The following PTPRD variants were observed in gnomAD, a reference collection of about 807,000 sequenced individuals.
The protein encoded by PTPRD is receptor-type tyrosine-protein phosphatase delta.
A neutral mutation model predicts 214.5 loss-of-function variants in PTPRD; 34 were observed. The ratio of observed to expected loss-of-function variants is 0.16; its 90% CI spans 0.12 to 0.21. The LOEUF is 0.21. PTPRD is among the 10% of genes least tolerant of loss of function. The probability of loss-of-function intolerance (pLI) is 1.00; values close to 1 mark genes in which losing one functional copy is unlikely to be tolerated. For synonymous variants in PTPRD, 1,128 were observed against 845.7 expected, an observed-to-expected ratio of 1.33 and a Z score of -5.79; for missense variants, 2,545 against 2,398.7, an observed-to-expected ratio of 1.06 and a Z score of -1.27.
At chr9:8,580,357 GAAGT>G (rs1564489188) in intron 14 of PTPRD, among the ~76,000 whole-genome samples, 1 of 152,286 alleles carries the variant, frequency 6.6e-6, no homozygotes, top group East Asian at 1.9e-4. Flanking sequence ...CTAATCACCT[GAAGT>G]AATAGACCTA....
At chr9:8,622,389 T>C (rs894934283) in intron 14 of PTPRD, among the ~76,000 whole-genome samples, 1 of 151,976 alleles carries the variant, frequency 6.6e-6, no homozygotes, top group South Asian at 2.1e-4. Context: ...AACCTTACTG[T>C]CATATTGATG....
Position 8,929,913 on chromosome 9 carries a change from G to A in PTPRD, c.-104+88784C>T, listed in dbSNP as rs1375468240. On this transcript the variant is annotated intron_variant, in intron 11 of 45. Transcript: ENST00000381196. ...TGTATATATATGTGTATATATATGT[G>A]TGTGTATATATATATGTGTATATAT... Among the ~76,000 whole-genome samples, 2 of 43,958 alleles carry A rather than the reference G, an allele frequency of 4.5e-5. 1 individual carries two copies. Among genetic ancestry groups the A allele is most frequent in the African/African-American group, 9.9e-5 (2 of 20,192 alleles). The allele number at this position is 43,958 out of a possible 152,430, so 28.8% of individuals were successfully genotyped here.
intron 2 of PTPRD, among the ~76,000 whole-genome samples, chr9:10,416,185 TAAA>T (rs113992952): frequency 7.0e-6 from 1 of 142,978 alleles, no homozygotes. Flanking sequence ...CCACCTCTAC[TAAA>T]AAAAAAAAAA....
intron 14 of PTPRD, among the ~76,000 whole-genome samples, chr9:8,591,684 C>T (rs556072280): frequency 6.6e-6 from 1 of 152,224 alleles, no homozygotes; most frequent in East Asian, 1.9e-4. Flanking sequence ...ATTACCAAGT[C>T]TGAGAGTAAT....
At chr9:9,341,108 T>C (rs1485978064) in intron 9 of PTPRD, among the ~76,000 whole-genome samples, 2 of 142,994 alleles carry the variant, frequency 1.4e-5, no homozygotes, top group Admixed American at 1.4e-4. Flanking sequence ...AATAAAATTG[T>C]AGTAAATATT....
At chr9:8,629,730 T>C (rs765020303) in intron 14 of PTPRD, among the ~76,000 whole-genome samples, 1 of 151,790 alleles carries the variant, frequency 6.6e-6, no homozygotes, top group Non-Finnish European at 1.5e-5. Context: ...TGTGTTTCCA[T>C]AGCCAAGACA....
chr9:9,418,547 C>T lies in PTPRD; in HGVS notation c.-236-21065G>A, dbSNP rs564713213. Among the ~76,000 whole-genome samples the T allele has an allele frequency of 7.2e-5, 11 of 152,110 alleles. No homozygotes were observed. In the South Asian group the frequency reaches 2.1e-3, roughly 29 times the overall value. ...TTAGCCTTGCAACTTTTGAAAGCGA[C>T]CTAGCTATTTCGTATCTCAATTTTC... On this transcript the variant is annotated intron_variant, in intron 8 of 45. Coordinates refer to ENST00000381196, the MANE Select transcript of PTPRD (RefSeq NM_002839.4).
chr9:9,575,005 T>C (rs1278075707), intron 7 of PTPRD, among the ~76,000 whole-genome samples: 2 of 152,162 alleles, frequency 1.3e-5, no homozygotes, highest in Non-Finnish European at 2.9e-5. Context: ...AATGCAGTGA[T>C]GACAAACAAG....
At chr9:8,841,138 T>G (rs191027540) in intron 11 of PTPRD, among the ~76,000 whole-genome samples, 3 of 152,340 alleles carry the variant, frequency 2.0e-5, no homozygotes, top group East Asian at 3.9e-4. Flanking sequence ...ATAATACTCC[T>G]GTGACCATCA....
intron 14 of PTPRD, among the ~76,000 whole-genome samples, chr9:8,601,312 C>G (rs1029203556): frequency 6.6e-6 from 1 of 152,194 alleles, no homozygotes; most frequent in South Asian, 2.1e-4. Context: ...ACAAGCCTGG[C>G]AGAACTCACC....
chr9:9,726,648 C>T (rs866805289), intron 7 of PTPRD, among the ~76,000 whole-genome samples: 35 of 152,146 alleles, frequency 2.3e-4, no homozygotes, highest in African/African-American at 8.4e-4. Context: ...GCCAATTCAG[C>T]ATCAACTAGA....
intron 27 of PTPRD, among the ~76,000 whole-genome samples, chr9:8,492,275 T>A (rs926027688): frequency 5.5e-4 from 83 of 152,256 alleles, no homozygotes; most frequent in African/African-American, 1.9e-3. Flanking sequence ...GGATTTGTTT[T>A]CCAGGGAAGT....
chr9:10,490,927 G>T (rs937575391), intron 2 of PTPRD, among the ~76,000 whole-genome samples: 2 of 152,078 alleles, frequency 1.3e-5, no homozygotes, highest in African/African-American at 2.4e-5. Flanking sequence ...TATAAGTGGG[G>T]TTATAATCAC....
chr9:9,300,015 C>T (rs1954680017), intron 9 of PTPRD, among the ~76,000 whole-genome samples: 1 of 149,084 alleles, frequency 6.7e-6, no homozygotes, highest in African/African-American at 2.5e-5. Context: ...TTGTTACTGA[C>T]ACACAATTTT....
intron 2 of PTPRD, among the ~76,000 whole-genome samples, chr9:10,553,629 T>C (rs1440982844): frequency 6.6e-6 from 1 of 152,182 alleles, no homozygotes; most frequent in Non-Finnish European, 1.5e-5. Flanking sequence ...CTTGTCAATA[T>C]ATTTTAGGAC....
chr9:9,754,014 G>A (rs556094338), intron 6 of PTPRD, among the ~76,000 whole-genome samples: 1 of 152,102 alleles, frequency 6.6e-6, no homozygotes, highest in South Asian at 2.1e-4. Context: ...TATACCATTT[G>A]TCTGTGTGTC....
rs186753049 is a variant in PTPRD at position 8,933,775 on chromosome 9, C to T, written c.-104+84922G>A. On this transcript the variant is annotated intron_variant, in intron 11 of 45. Coordinates refer to ENST00000381196, the MANE Select transcript of PTPRD (RefSeq NM_002839.4). ...AGAGGGGTATGGAGGGACAAAAACA[C>T]GTTTGGTAGCATTTTGACCATCTTT... is the stretch of plus-strand genomic sequence containing the variant. Among the ~76,000 whole-genome samples, 57 of 152,168 alleles carry T rather than the reference C, an allele frequency of 3.7e-4. No individual in the cohort carries two copies. The East Asian group carries it at 8.7e-3, about 23-fold the overall frequency.
At chr9:10,117,512 G>A (rs2098739951) in intron 3 of PTPRD, among the ~76,000 whole-genome samples, 1 of 151,960 alleles carries the variant, frequency 6.6e-6, no homozygotes, top group African/African-American at 2.4e-5. Context: ...GGGAGAATAC[G>A]TCCTTGCTTC....
At chr9:8,686,395 G>GA (rs1014006310) in intron 12 of PTPRD, among the ~76,000 whole-genome samples, 1 of 152,142 alleles carries the variant, frequency 6.6e-6, no homozygotes, top group African/African-American at 2.4e-5. Flanking sequence ...GGCACAGAGT[G>GA]AAAATTCTCC....
Sources: gnomAD v4.1 joint callset for allele counts (sites outside exome capture counted in the v4.1 genomes callset) on GRCh38, gnomAD v4.1.1 for gene constraint, MANE v1.5 for transcripts, NCBI Gene and HGNC (gene_info 2026-07-23, HGNC 2026-07-21) for gene names.